Variants in SPATA1 observed in about 807,000 individuals in gnomAD.
SPATA1 encodes the protein spermatogenesis-associated protein 1.
Under a neutral mutation model 59.6 loss-of-function variants are expected in SPATA1, and 57 were observed. The observed-to-expected ratio is 0.96, with a 90% CI of 0.77 to 1.19. SPATA1 has a LOEUF of 1.19. Among genes scored for constraint, SPATA1 ranks in the 50% most tolerant of loss-of-function variants. The probability of loss-of-function intolerance (pLI) is 0.00; values close to 1 mark genes in which losing one functional copy is unlikely to be tolerated. For missense variants in SPATA1, 448 were observed against 480.7 expected, an observed-to-expected ratio of 0.93 and a Z score of 0.64; for synonymous variants, 147 against 163.9, an observed-to-expected ratio of 0.90 and a Z score of 0.79.
At chr1:84,547,604 A>G (rs1297366153) in intron 10 of SPATA1, among the ~76,000 whole-genome samples, 1 of 152,194 alleles carries the variant, frequency 6.6e-6, no homozygotes, top group Non-Finnish European at 1.5e-5. Flanking sequence ...ATTTTCAGAG[A>G]AAGTATCTCT....
At chr1:84,509,219 AAAAC>A (rs1682424343) in intron 1 of SPATA1, among the ~76,000 whole-genome samples, 1 of 152,102 alleles carries the variant, frequency 6.6e-6, no homozygotes, top group South Asian at 2.1e-4. Flanking sequence ...AAAAAAAAAA[AAAAC>A]ATAGACCAGT....
intron 8 of SPATA1, among the ~76,000 whole-genome samples, chr1:84,537,995 G>A (rs935901741): frequency 4.6e-5 from 7 of 152,220 alleles, no homozygotes; most frequent in Non-Finnish European, 8.8e-5. Context: ...AGTGAAATAT[G>A]ATGGAATGGC....
chr1:84,545,130 T>C (rs945523147), intron 9 of SPATA1, among the ~76,000 whole-genome samples: 5 of 150,874 alleles, frequency 3.3e-5, no homozygotes, highest in Admixed American at 1.3e-4. Flanking sequence ...GGCAGGAGAA[T>C]CGCTTGAACC....
intron 7 of SPATA1, among the ~76,000 whole-genome samples, chr1:84,533,207 AT>A (rs1396956851): frequency 2.6e-5 from 4 of 152,252 alleles, no homozygotes; most frequent in African/African-American, 9.6e-5. Context: ...TACTTTTATC[AT>A]TGGGACAACT....
At chr1:84,540,324 T>G (rs1683859086) in intron 8 of SPATA1, among the ~76,000 whole-genome samples, 1 of 152,116 alleles carries the variant, frequency 6.6e-6, no homozygotes, top group South Asian at 2.1e-4. Context: ...TTTAGAAAGA[T>G]TTTTATTTTT....
chr1:84,510,129 T>C (rs769290684), intron 1 of SPATA1, among the ~76,000 whole-genome samples: 2 of 152,108 alleles, frequency 1.3e-5, no homozygotes, highest in Non-Finnish European at 2.9e-5. Context: ...ATCATGCCAC[T>C]GCACTCCAGC....
intron 12 of SPATA1, chr1:84,551,037 T>G: frequency 1.0e-6 from 1 of 985,340 alleles, no homozygotes; most frequent in Non-Finnish European, 1.2e-6. Context: ...CCATGGGACC[T>G]TTTGTATAGC....
downstream of SPATA1, among the ~76,000 whole-genome samples, chr1:84,559,387 G>A (rs1276734842): frequency 1.3e-5 from 2 of 152,146 alleles, no homozygotes; most frequent in African/African-American, 2.4e-5. Flanking sequence ...TTGGAAGGCC[G>A]AGATGGGAGG....
exon 9 of SPATA1, chr1:84,544,237 C>T (rs367641372): frequency 1.9e-6 from 3 of 1,600,722 alleles, no homozygotes; most frequent in East Asian, 2.2e-5. Flanking sequence ...TACCAGATCA[C>T]CCTTCACTTC....
chr1:84,564,094 T>G (rs1045266150), intron 4 of SPATA1, among the ~76,000 whole-genome samples: 9 of 152,224 alleles, frequency 5.9e-5, no homozygotes, highest in African/African-American at 2.2e-4. Flanking sequence ...AATCTAATTC[T>G]AGGAAGAATG....
intron 4 of SPATA1, among the ~76,000 whole-genome samples, chr1:84,560,833 A>T (rs1684582574): frequency 6.6e-6 from 1 of 152,198 alleles, no homozygotes; most frequent in South Asian, 2.1e-4. Flanking sequence ...CTCACAGCAC[A>T]TCTGTTTACT....
intron 9 of SPATA1, among the ~76,000 whole-genome samples, chr1:84,545,213 T>C (rs891799284): frequency 6.7e-6 from 1 of 148,840 alleles, no homozygotes; most frequent in Non-Finnish European, 1.5e-5. Flanking sequence ...TGAGACTCCA[T>C]CTCAAAAAAA....
chr1:84,548,884 T>C, exon 11 of SPATA1: 3 of 1,599,492 alleles, frequency 1.9e-6, no homozygotes, highest in Non-Finnish European at 2.6e-6. Context: ...GGAACTCTAC[T>C]ATAAAAAACT....
At chr1:84,512,038 G>C (rs893989797) in intron 1 of SPATA1, among the ~76,000 whole-genome samples, 5 of 152,128 alleles carry the variant, frequency 3.3e-5, no homozygotes, top group African/African-American at 1.2e-4. Context: ...AAATTGATGA[G>C]AATTTTATTT....
intron 6 of SPATA1, among the ~76,000 whole-genome samples, chr1:84,528,575 C>T (rs1683329939): frequency 6.6e-6 from 1 of 152,186 alleles, no homozygotes; most frequent in East Asian, 1.9e-4. Context: ...CCATTTTATA[C>T]TCACACAATT....
chr1:84,548,466 GTA>G (rs1684162748), intron 10 of SPATA1, among the ~76,000 whole-genome samples: 1 of 147,490 alleles, frequency 6.8e-6, no homozygotes, highest in African/African-American at 2.5e-5. Flanking sequence ...TATATAACAA[GTA>G]TATATATTGC....
chr1:84,554,261 T>C (rs1684360878), exon 13 of SPATA1: 1 of 152,230 alleles, frequency 6.6e-6, no homozygotes, highest in Non-Finnish European at 1.5e-5. Context: ...CAAGTTCAAC[T>C]GCAAGTTATT....
chr1:84,530,103 C>T (rs1204304976), intron 6 of SPATA1, among the ~76,000 whole-genome samples: 1 of 152,012 alleles, frequency 6.6e-6, no homozygotes, highest in Non-Finnish European at 1.5e-5. Context: ...GGCAATCCGC[C>T]CGCCTGGGAC....
chr1:84,546,476 A>G (rs1036399362), intron 10 of SPATA1, among the ~76,000 whole-genome samples: 5 of 151,952 alleles, frequency 3.3e-5, no homozygotes, highest in Non-Finnish European at 7.4e-5. Context: ...AAAAAAAAAA[A>G]AAAACTTGAT....
Sources: gnomAD v4.1 joint callset for allele counts (sites outside exome capture counted in the v4.1 genomes callset) on GRCh38, gnomAD v4.1.1 for gene constraint, MANE v1.5 for transcripts, NCBI Gene and HGNC (gene_info 2026-07-23, HGNC 2026-07-21) for gene names.